Variants in OTUD7B observed in about 807,000 individuals in gnomAD.
OTUD7B encodes OTU domain-containing protein 7B.
OTUD7B carries 34 observed loss-of-function variants against 82.2 expected under a neutral mutation model. That is an observed-to-expected ratio of 0.41 (90% CI 0.31 to 0.55). The LOEUF is 0.55. Among genes scored for constraint, OTUD7B ranks in the 20% least tolerant of loss-of-function variants. The probability of loss-of-function intolerance (pLI) is 0.20; values close to 1 mark genes in which losing one functional copy is unlikely to be tolerated. For synonymous variants in OTUD7B, 398 were observed against 402.7 expected (o/e 0.99, Z 0.14); for missense variants, 944 against 1,062.1 (o/e 0.89, Z 1.55).
intron 1 of OTUD7B, among the ~76,000 whole-genome samples, chr1:150,004,258 A>G (rs1405329095): frequency 6.6e-6 from 1 of 151,968 alleles, no homozygotes; most frequent in Non-Finnish European, 1.5e-5. Context: ...AAAATCTTCT[A>G]CCATTTAAAA....
At chr1:150,053,333 A>T in the OTUD7B span, among the ~76,000 whole-genome samples, 2 of 152,182 alleles carry the variant, frequency 1.3e-5, no homozygotes, top group Admixed American at 6.5e-5. Flanking sequence ...CGAATTTACA[A>T]GAGAAAAACA....
At chr1:149,957,699 C>T (rs755258044) in intron 7 of OTUD7B, among the ~76,000 whole-genome samples, 4 of 152,226 alleles carry the variant, frequency 2.6e-5, no homozygotes, top group Non-Finnish European at 4.4e-5. Flanking sequence ...TCGAGCTTCC[C>T]GGCCGCTTTG....
At chr1:149,981,821 A>G (rs1236852334) in intron 1 of OTUD7B, among the ~76,000 whole-genome samples, 1 of 152,190 alleles carries the variant, frequency 6.6e-6, no homozygotes, top group Non-Finnish European at 1.5e-5. Context: ...AAGAATAAAA[A>G]CTAACAAGTT....
In OTUD7B at chr1:149,950,074, GGACT is replaced by G. The variant is rs782152745; in HGVS notation, c.973+16_973+19del. On this transcript the variant is annotated intron_variant, in intron 8 of 11. Transcript: ENST00000581312. ...AAAGGGGGTGCTCAGCATGGAGTGA[GGACT>G]GACTGGCTGACTCACCTTCCCCTCC... 2 of 1,613,234 alleles carry G rather than the reference GGACT, an allele frequency of 1.2e-6. No homozygotes were observed. Among genetic ancestry groups the G allele is most frequent in the Non-Finnish European group, 1.7e-6 (2 of 1,179,922 alleles).
the OTUD7B span, among the ~76,000 whole-genome samples, chr1:150,041,046 C>T: frequency 7.9e-5 from 12 of 151,672 alleles, no homozygotes; most frequent in South Asian, 1.0e-3. Flanking sequence ...TTTGTTTCAT[C>T]GTAGTTAAAA....
the OTUD7B span, chr1:150,053,779 T>C: frequency 5.1e-6 from 1 of 195,848 alleles, no homozygotes; most frequent in Non-Finnish European, 1.0e-5. Flanking sequence ...ATTAGAGAAA[T>C]GCAAATCAAA....
At chr1:150,001,632 C>A (rs782675409) in intron 1 of OTUD7B, among the ~76,000 whole-genome samples, 1 of 152,138 alleles carries the variant, frequency 6.6e-6, no homozygotes, top group Non-Finnish European at 1.5e-5. Context: ...CTGTGAGTAG[C>A]TATTCTGTGC....
At chr1:150,012,127 G>C (rs1329101414), upstream of OTUD7B, among the ~76,000 whole-genome samples, 1 of 152,156 alleles carries the variant, frequency 6.6e-6, no homozygotes, top group Admixed American at 6.5e-5. Flanking sequence ...AGCGTATAAG[G>C]GACCACAAAT....
rs1369999141 is a variant in OTUD7B, at chr1:149,939,176, A to T, written c.*4681T>A. 3 of 152,324 alleles carry T rather than the reference A, an allele frequency of 2.0e-5. No homozygotes were observed. In the East Asian group the frequency reaches 5.8e-4, roughly 29 times the overall value. The allele number at this position is 152,324 out of a possible 1,614,324, so 9.4% of individuals were successfully genotyped here. On this transcript the variant is annotated 3_prime_UTR_variant, in exon 12 of 12. Coordinates refer to ENST00000581312, the MANE Select transcript of OTUD7B (RefSeq NM_020205.4). ...GGCTGCAGGTTTGTGCCAGGAGTAAAGGCTGCTGGGAGGGGCAGCCGGAGG... is the reference window on the plus strand; with the variant it reads ...GGCTGCAGGTTTGTGCCAGGAGTAATGGCTGCTGGGAGGGGCAGCCGGAGG...
At chr1:149,960,350 GC>G (rs1287801899) in intron 6 of OTUD7B, among the ~76,000 whole-genome samples, 1 of 144,046 alleles carries the variant, frequency 6.9e-6, no homozygotes, top group African/African-American at 2.6e-5. Flanking sequence ...TCTATCTCCA[GC>G]CCAGATTTCT....
At chr1:150,038,583 C>T in the OTUD7B span, among the ~76,000 whole-genome samples, 3 of 151,260 alleles carry the variant, frequency 2.0e-5, no homozygotes, top group South Asian at 4.2e-4. Context: ...GACGGGATTT[C>T]GTCATGTTGC....
the OTUD7B span, among the ~76,000 whole-genome samples, chr1:150,041,845 TC>T: frequency 2.6e-5 from 4 of 152,190 alleles, no homozygotes; most frequent in Non-Finnish European, 4.4e-5. Flanking sequence ...TTTGTAATGT[TC>T]TTTGCCTAGC....
chr1:149,968,219 G>A (rs59709800), intron 3 of OTUD7B, among the ~76,000 whole-genome samples: 2,763 of 146,574 alleles, frequency 0.019, 75 homozygotes, highest in African/African-American at 0.063. Context: ...AGCCAAGATT[G>A]TGCCACTGCA....
rs1553771039 is a variant in OTUD7B at position 149,943,793 on chromosome 1, T to C, written c.*64A>G. 1.0e-5 allele frequency: 15 copies of C among 1,503,964 alleles called. No homozygotes were observed. In the African/African-American group the frequency reaches 1.2e-4, roughly 12 times the overall value. 93.2% of individuals were successfully genotyped at this position (1,503,964 alleles called of 1,614,324 possible). On this transcript the variant is annotated 3_prime_UTR_variant, in exon 12 of 12. Coordinates refer to ENST00000581312, the MANE Select transcript of OTUD7B (RefSeq NM_020205.4). Reference sequence around the variant, plus strand: ...CCCCCTCAACATGGGGACTGTGTTCTTGATGAGCCAATTAGTTGAGCTTAA... The same window carrying C: ...CCCCCTCAACATGGGGACTGTGTTCCTGATGAGCCAATTAGTTGAGCTTAA...
chr1:149,940,047 G>T lies in OTUD7B; in HGVS notation c.*3810C>A, dbSNP rs2092751059. 6.6e-6 allele frequency: 1 copy of T among 152,104 alleles called. No individual in the cohort carries two copies. The highest frequency in any genetic ancestry group is 2.4e-5 in the African/African-American group (1 of 41,428). 9.4% of individuals were successfully genotyped at this position (152,104 alleles called of 1,614,324 possible). On this transcript the variant is annotated 3_prime_UTR_variant, in exon 12 of 12. Coordinates refer to ENST00000581312, the MANE Select transcript of OTUD7B (RefSeq NM_020205.4). The stretch of plus-strand genomic sequence containing the variant: ...ATACTCTTTATTGAGAAAAAAAAAT[G>T]TGACTGGAACCTTGGACACATGGCT...
chr1:150,044,526 C>T, the OTUD7B span, among the ~76,000 whole-genome samples: 1 of 151,606 alleles, frequency 6.6e-6, no homozygotes, highest in African/African-American at 2.4e-5. Flanking sequence ...AGCCCACCAC[C>T]TGGGGTGGTG....
chr1:150,053,529 C>T, the OTUD7B span, among the ~76,000 whole-genome samples: 1 of 151,650 alleles, frequency 6.6e-6, no homozygotes, highest in Non-Finnish European at 1.5e-5. Context: ...CCCAAGTAGC[C>T]GAGATTACAG....
the OTUD7B span, among the ~76,000 whole-genome samples, chr1:150,016,181 G>C: frequency 6.6e-6 from 1 of 152,120 alleles, no homozygotes; most frequent in African/African-American, 2.4e-5. Context: ...TTCAAATTTA[G>C]TCTTTCTATT....
chr1:149,954,957 C>T (rs1283961860), intron 7 of OTUD7B, among the ~76,000 whole-genome samples: 4 of 152,142 alleles, frequency 2.6e-5, no homozygotes, highest in Admixed American at 1.3e-4. Context: ...GTCTTGCCAG[C>T]GGTCTATCAA....
Sources: allele counts gnomAD v4.1 joint callset (sites outside exome capture counted in the v4.1 genomes callset), GRCh38; gene constraint gnomAD v4.1.1; transcripts MANE v1.5; gene names NCBI Gene and HGNC (gene_info 2026-07-23, HGNC 2026-07-21).